HUWE1: variants seen among roughly 807,000 people sequenced by gnomAD.
The protein encoded by HUWE1 is HECT, UBA and WWE domain containing E3 ubiquitin protein ligase 1.
Under a neutral mutation model 299.4 loss-of-function variants are expected in HUWE1, and 18 were observed. That is an observed-to-expected ratio of 0.06 (90% CI 0.04 to 0.09). The LOEUF (loss-of-function observed/expected upper bound fraction) is 0.09. Ranked by LOEUF, HUWE1 falls within the 10% of genes least tolerant of loss-of-function variation. The pLI is 1.00. For synonymous variants in HUWE1, 1,317 were observed against 1,286.1 expected (o/e 1.02, Z -0.51); for missense variants, 1,832 against 3,462.3 (o/e 0.53, Z 11.82).
Position 53,532,566 on chromosome X carries a change from AAAAC to A in HUWE1, c.*739_*742del, listed in dbSNP as rs1387530981. On this transcript the variant is annotated 3_prime_UTR_variant, in exon 84 of 84. Transcript: ENST00000262854. ...AGTGCAGCTCCCATTCTAAAAAAAA[AAAAC>A]AGATGCCCCCACCCCCAATTCCTGG... The A allele has an allele frequency of 4.6e-5, 5 of 108,454 alleles. No homozygotes were observed. Among genetic ancestry groups the A allele is most frequent in the Non-Finnish European group, 9.5e-5 (5 of 52,482 alleles). The allele number at this position is 108,454 out of a possible 1,213,427, so 8.9% of individuals were successfully genotyped here.
intron 28 of HUWE1, among the ~76,000 whole-genome samples, chrX:53,601,665 A>ATT (rs34074990): frequency 1.9e-3 from 182 of 93,700 alleles, no homozygotes; most frequent in East Asian, 0.015. Context: ...GAAATTTGGA[A>ATT]TTTTTTTTTT....
rs1489728730 is a variant in HUWE1 at position 53,577,140 on chromosome X, AG to A, written c.5717-74del. Reference sequence around the variant, plus strand: ...TAAACTAGGTTACTAATAAAGACTCAGAAGGGGGCATGTATGATATAGAAGG... The same window carrying A: ...TAAACTAGGTTACTAATAAAGACTCAAAGGGGGCATGTATGATATAGAAGG... On this transcript the variant is annotated intron_variant, in intron 43 of 83. Coordinates refer to ENST00000262854, the MANE Select transcript of HUWE1 (RefSeq NM_031407.7). 4.2e-5 allele frequency: 32 copies of A among 765,551 alleles called. No homozygotes were observed. The African/African-American group carries it at 5.4e-4, about 13-fold the overall frequency. The allele number at this position is 765,551 out of a possible 1,213,427, so 63.1% of individuals were successfully genotyped here. A position where few individuals can be genotyped will look rare whatever the true frequency, so the allele number is the denominator to read the frequency against.
At chrX:53,539,320 T>TAAA (rs34154526) in intron 75 of HUWE1, among the ~76,000 whole-genome samples, 4 of 52,831 alleles carry the variant, frequency 7.6e-5, no homozygotes, top group Admixed American at 2.7e-4. Context: ...ATTTCTGATT[T>TAAA]AAAAAAAAAA....
chrX:53,645,579 A>T lies in HUWE1; in HGVS notation c.352-116T>A, dbSNP rs1412273759. ...TATCAAGAAGTTTAGTCACAACAAT[A>T]CAAAAAATATATAAGTATTTGTACT... On this transcript the variant is annotated intron_variant, in intron 6 of 83. Transcript: ENST00000262854. 2.9e-5 allele frequency: 21 copies of T among 727,662 alleles called. No homozygotes were observed. In the African/African-American group the frequency reaches 4.3e-4, roughly 15 times the overall value. 60.0% of individuals were successfully genotyped at this position (727,662 alleles called of 1,213,427 possible). A position where few individuals can be genotyped will look rare whatever the true frequency, so the allele number is the denominator to read the frequency against.
In HUWE1 at chrX:53,595,315, G is replaced by A. The variant is rs782402516; in HGVS notation, c.3252C>T (p.Ser1084=). The A allele has an allele frequency of 5.0e-6, 6 of 1,208,355 alleles. No homozygotes were observed. The highest frequency in any genetic ancestry group is 3.0e-5 in the East Asian group (1 of 33,772). Residue 1084 remains serine, a synonymous_variant, in exon 30 of 84, where the codon AGC becomes AGT. Coordinates refer to ENST00000262854, the MANE Select transcript of HUWE1 (RefSeq NM_031407.7). ...CVGSPVRQRR[S]HHAASTTTAP... Reference sequence around the variant, plus strand: ...CTGTAGTGGTGCTGGCAGCATGATGGCTCCTTCTCTGGCGGACAGGAGATC... The same window carrying A: ...CTGTAGTGGTGCTGGCAGCATGATGACTCCTTCTCTGGCGGACAGGAGATC...
chrX:53,565,011 C>T, intron 50 of HUWE1, 56 bp downstream of exon 50: 1 of 1,121,887 alleles, frequency 8.9e-7, no homozygotes, highest in Non-Finnish European at 1.2e-6. Context: ...GTTGTGATCC[C>T]AGGCCCATAA....
intron 7 of HUWE1, among the ~76,000 whole-genome samples, chrX:53,644,734 A>T (rs1362252679): frequency 1.8e-5 from 2 of 112,455 alleles, no homozygotes; most frequent in Non-Finnish European, 3.8e-5. Flanking sequence ...TTCTTCTAAG[A>T]AAGCTTTCCA....
intron 19 of HUWE1, among the ~76,000 whole-genome samples, chrX:53,621,173 A>G (rs1478485405): frequency 9.0e-6 from 1 of 111,446 alleles, no homozygotes; most frequent in East Asian, 2.8e-4. Flanking sequence ...TGTGATTCCC[A>G]TAATAAACTG....
intron 42 of HUWE1, among the ~76,000 whole-genome samples, chrX:53,582,324 T>A (rs781784761): frequency 8.9e-6 from 1 of 112,431 alleles, no homozygotes; most frequent in African/African-American, 3.2e-5. Context: ...TGCTGGGTTA[T>A]CTCCTGGACT....
At chrX:53,601,815 T>C (rs1263885806) in intron 28 of HUWE1, among the ~76,000 whole-genome samples, 1 of 109,732 alleles carries the variant, frequency 9.1e-6, no homozygotes, top group East Asian at 2.8e-4. Flanking sequence ...ATTATAGGTA[T>C]GTGCCACCAC....
intron 71 of HUWE1, 55 bp from the exon 72 acceptor site, chrX:53,544,817 C>A: frequency 9.8e-7 from 1 of 1,024,463 alleles, no homozygotes; most frequent in South Asian, 1.9e-5. Flanking sequence ...TATAAACACC[C>A]AAAGCAAGCA....
intron 8 of HUWE1, among the ~76,000 whole-genome samples, chrX:53,633,756 T>C (rs1442195024): frequency 8.9e-6 from 1 of 111,985 alleles, no homozygotes; most frequent in Admixed American, 9.5e-5. Flanking sequence ...CCTGAGCTCA[T>C]AACTTAAACA....
At chrX:53,625,807 G>GACCA (rs2066442947) in intron 17 of HUWE1, 1 of 123,723 alleles carries the variant, frequency 8.1e-6, no homozygotes, top group Non-Finnish European at 1.8e-5. Flanking sequence ...CCAGGGCCAG[G>GACCA]GCCGGGGCCA....
chrX:53,564,508 A>G, intron 51 of HUWE1, 66 bp downstream of exon 51: 1 of 1,172,014 alleles, frequency 8.5e-7, no homozygotes, highest in South Asian at 1.8e-5. Flanking sequence ...TCACCCACCC[A>G]CACCACCTGG....
At chrX:53,574,747 G>T (rs1471353170) in intron 46 of HUWE1, among the ~76,000 whole-genome samples, 1 of 111,531 alleles carries the variant, frequency 9.0e-6, no homozygotes, top group Non-Finnish European at 1.9e-5. Flanking sequence ...TTACTCCCAG[G>T]GACATTTTTC....
intron 75 of HUWE1, 133 bp from the exon 76 acceptor site, chrX:53,539,213 G>T: frequency 1.4e-6 from 1 of 709,061 alleles, no homozygotes; most frequent in Non-Finnish European, 2.1e-6. Context: ...AGGTGTGGTG[G>T]CTCACACCTA....
At chrX:53,652,675 T>C (rs1458424316) in intron 4 of HUWE1, among the ~76,000 whole-genome samples, 13 of 112,097 alleles carry the variant, frequency 1.2e-4, no homozygotes, top group African/African-American at 4.2e-4. Flanking sequence ...CCAACAGATA[T>C]GAAAATGAGT....
intron 71 of HUWE1, 132 bp downstream of exon 71, chrX:53,544,897 A>C: frequency 2.2e-6 from 2 of 923,643 alleles, no homozygotes; most frequent in Non-Finnish European, 3.1e-6. Flanking sequence ...AAGTAGAAAA[A>C]AATGGGTCAA....
chrX:53,539,192 A>T, intron 75 of HUWE1, 112 bp from the exon 76 acceptor site: 7 of 868,067 alleles, frequency 8.1e-6, no homozygotes, highest in Non-Finnish European at 9.8e-6. Context: ...AGAAATAGTG[A>T]AAACTAGGCT....
Sources: gnomAD v4.1 joint callset for allele counts (sites outside exome capture counted in the v4.1 genomes callset) on GRCh38, gnomAD v4.1.1 for gene constraint, MANE v1.5 for transcripts, NCBI Gene and HGNC (gene_info 2026-07-23, HGNC 2026-07-21) for gene names.